Variants in DGKB observed in about 807,000 individuals in gnomAD.
The protein encoded by DGKB is 90 kDa diacylglycerol kinase.
A neutral mutation model predicts 114.3 loss-of-function variants in DGKB; 67 were observed. The ratio of observed to expected loss-of-function variants is 0.59; its 90% CI spans 0.48 to 0.72. The LOEUF (loss-of-function observed/expected upper bound fraction) is 0.72, where lower values mean the gene tolerates loss of function less well. Ranked by LOEUF, DGKB falls within the 30% of genes least tolerant of loss-of-function variation. The pLI is 0.00. For synonymous variants in DGKB, 398 were observed against 323.1 expected (o/e 1.23, Z -2.49); for missense variants, 907 against 975.2 (o/e 0.93, Z 0.93).
At chr7:14,755,531 T>G (rs925262603) in intron 3 of DGKB, among the ~76,000 whole-genome samples, 6 of 152,146 alleles carry the variant, frequency 3.9e-5, no homozygotes, top group African/African-American at 1.4e-4. Flanking sequence ...TCAGCATCAT[T>G]AACTAGTCAT....
chr7:14,319,290 T>TAA (rs71033987), intron 23 of DGKB, among the ~76,000 whole-genome samples: 21 of 150,264 alleles, frequency 1.4e-4, no homozygotes, highest in African/African-American at 2.4e-4. Flanking sequence ...AGTATAATAA[T>TAA]AAAAAAAAAT....
At chr7:14,363,504 C>A (rs916891668) in intron 21 of DGKB, among the ~76,000 whole-genome samples, 2 of 151,924 alleles carry the variant, frequency 1.3e-5, no homozygotes, top group Admixed American at 6.6e-5. Context: ...AGTGCAAAGT[C>A]CCTGTCGGAG....
At chr7:14,354,211 T>C (rs955230753) in intron 21 of DGKB, among the ~76,000 whole-genome samples, 5 of 152,198 alleles carry the variant, frequency 3.3e-5, no homozygotes, top group African/African-American at 1.2e-4. Flanking sequence ...CTAGTGAAAA[T>C]TGATAGCAAA....
chr7:14,323,056 C>A (rs915864699), intron 23 of DGKB, among the ~76,000 whole-genome samples: 14 of 151,952 alleles, frequency 9.2e-5, no homozygotes, highest in African/African-American at 3.4e-4. Context: ...TCAATTTATA[C>A]CCAGAAAAAT....
intron 2 of DGKB, among the ~76,000 whole-genome samples, chr7:14,807,450 A>G (rs1842915403): frequency 6.6e-6 from 1 of 152,008 alleles, no homozygotes; most frequent in Non-Finnish European, 1.5e-5. Context: ...TCTCAGCTCA[A>G]TATATTAAGT....
intron 1 of DGKB, among the ~76,000 whole-genome samples, chr7:14,876,838 A>G (rs1352540413): frequency 6.6e-6 from 1 of 152,216 alleles, no homozygotes; most frequent in Non-Finnish European, 1.5e-5. Flanking sequence ...ATTCAGTGTA[A>G]ATATTTGTAT....
intron 20 of DGKB, among the ~76,000 whole-genome samples, chr7:14,519,870 A>G (rs1789463226): frequency 6.6e-6 from 1 of 151,932 alleles, no homozygotes; most frequent in Non-Finnish European, 1.5e-5. Context: ...ATGTCTGTTT[A>G]AGTAATTAGT....
intron 2 of DGKB, among the ~76,000 whole-genome samples, chr7:14,801,897 T>C (rs531433093): frequency 1.6e-4 from 23 of 140,664 alleles, no homozygotes; most frequent in East Asian, 4.0e-4. Context: ...TATATATATA[T>C]ACACACATAT....
chr7:14,519,772 G>A (rs758427220), intron 20 of DGKB, among the ~76,000 whole-genome samples: 5 of 151,742 alleles, frequency 3.3e-5, no homozygotes, highest in Non-Finnish European at 7.4e-5. Context: ...ATATATCTTT[G>A]TAATTTTAAT....
chr7:14,742,241 C>T (rs1832684685), intron 4 of DGKB, among the ~76,000 whole-genome samples: 2 of 152,290 alleles, frequency 1.3e-5, no homozygotes, highest in African/African-American at 4.8e-5. Flanking sequence ...GGGCTCCACC[C>T]TCAGGCCAAT....
intron 21 of DGKB, among the ~76,000 whole-genome samples, chr7:14,432,282 A>G (rs1051931187): frequency 2.0e-5 from 3 of 152,140 alleles, no homozygotes; most frequent in African/African-American, 7.2e-5. Flanking sequence ...ACCTTGAGTA[A>G]GAATTGAGCA....
intron 23 of DGKB, among the ~76,000 whole-genome samples, chr7:14,300,004 G>A (rs1420824502): frequency 1.3e-5 from 2 of 151,908 alleles, no homozygotes; most frequent in Non-Finnish European, 2.9e-5. Context: ...GGGATAGATG[G>A]CCACTATATT....
chr7:14,499,103 G>A (rs10264403), intron 20 of DGKB, among the ~76,000 whole-genome samples: 64 of 151,694 alleles, frequency 4.2e-4, no homozygotes, highest in African/African-American at 1.4e-3. Flanking sequence ...TCTGTGGTTC[G>A]GTTTTTGAGT....
intron 4 of DGKB, among the ~76,000 whole-genome samples, chr7:14,751,544 A>C (rs558686413): frequency 6.6e-6 from 1 of 152,330 alleles, no homozygotes; most frequent in East Asian, 1.9e-4. Flanking sequence ...AGTGAAGAGA[A>C]GCAGAAATAC....
At chr7:14,589,417 T>A (rs192730524) in intron 17 of DGKB, among the ~76,000 whole-genome samples, 121 of 152,156 alleles carry the variant, frequency 8.0e-4, no homozygotes, top group African/African-American at 2.8e-3. Flanking sequence ...AATTCCAACA[T>A]ATTGTTGAAT....
intron 23 of DGKB, among the ~76,000 whole-genome samples, chr7:14,324,821 T>C (rs559244876): frequency 2.2e-3 from 158 of 72,330 alleles, no homozygotes; most frequent in African/African-American, 0.011. Context: ...GAGTTGCAAG[T>C]GTCCTGCAAT....
chr7:14,384,925 C>G (rs1820077807), intron 21 of DGKB, among the ~76,000 whole-genome samples: 1 of 152,074 alleles, frequency 6.6e-6, no homozygotes, highest in Non-Finnish European at 1.5e-5. Flanking sequence ...CTGAGAAACT[C>G]CATGGTAAGT....
chr7:14,489,184 GA>G (rs1784265058), intron 20 of DGKB, among the ~76,000 whole-genome samples: 1 of 152,070 alleles, frequency 6.6e-6, no homozygotes, highest in Non-Finnish European at 1.5e-5. Context: ...CCCTCTAATA[GA>G]ATCCTTATTT....
intron 2 of DGKB, among the ~76,000 whole-genome samples, chr7:14,820,160 T>G (rs994709083): frequency 6.6e-6 from 1 of 152,174 alleles, no homozygotes; most frequent in East Asian, 1.9e-4. Context: ...GCTTTATGGC[T>G]TTAAGCCATA....
Sources: allele counts gnomAD v4.1 joint callset (sites outside exome capture counted in the v4.1 genomes callset), GRCh38; gene constraint gnomAD v4.1.1; transcripts MANE v1.5; gene names NCBI Gene and HGNC (gene_info 2026-07-23, HGNC 2026-07-21).